The following RDX variants were observed in gnomAD, a reference collection of about 807,000 sequenced individuals.
The protein encoded by RDX is deafness, autosomal recessive 24.
RDX carries 32 observed loss-of-function variants against 83.7 expected under a neutral mutation model. That is an observed-to-expected ratio of 0.38 (90% confidence interval 0.29 to 0.51). RDX has a LOEUF of 0.51. RDX is among the 20% of genes least tolerant of loss of function. The pLI is 0.87. For synonymous variants in RDX, 229 were observed against 222.7 expected, an observed-to-expected ratio of 1.03 and a Z score of -0.25; for missense variants, 600 against 689.9, an observed-to-expected ratio of 0.87 and a Z score of 1.46.
intron 14 of RDX, among the ~76,000 whole-genome samples, chr11:110,215,958 G>C: frequency 6.6e-6 from 1 of 152,180 alleles, no homozygotes; most frequent in East Asian, 1.9e-4. Context: ...GGTACAGTTT[G>C]TTGAGAAGAA....
chr11:110,219,616 T>G (rs979592358), intron 14 of RDX, among the ~76,000 whole-genome samples: 3 of 152,116 alleles, frequency 2.0e-5, no homozygotes, highest in Non-Finnish European at 4.4e-5. Context: ...CCAACAGAAT[T>G]ATGATTGGAC....
Position 110,268,818 on chromosome 11 carries a change from C to T in RDX, c.96+3718G>A, listed in dbSNP as rs574222843. On this transcript the variant is annotated intron_variant, in intron 3 of 13. Transcript: ENST00000645495. ...TTTAGTGAGGCTGTCCTTTAAGCTC[C>T]CATAAACTTCTGATCACATACTTTT... is the stretch of plus-strand genomic sequence containing the variant. Among the ~76,000 whole-genome samples the T allele has an allele frequency of 1.4e-4, 21 of 151,696 alleles. 2 individuals are homozygous for T. The South Asian group carries it at 4.0e-3, about 29-fold the overall frequency.
chr11:110,285,886 C>A (rs1488247046), intron 1 of RDX, among the ~76,000 whole-genome samples: 1 of 151,700 alleles, frequency 6.6e-6, no homozygotes, highest in East Asian at 1.9e-4. Context: ...TGAAACAAAA[C>A]CTGGTCTTTC....
rs1224314040 is a variant in RDX, at chr11:110,231,582, T to C, written c.*287A>G. The C allele has an allele frequency of 1.6e-5, 7 of 427,178 alleles. No homozygotes were observed. Among genetic ancestry groups the C allele is most frequent in the Non-Finnish European group, 2.6e-5 (6 of 231,020 alleles). The allele number at this position is 427,178 out of a possible 1,614,324, so 26.5% of individuals were successfully genotyped here. On this transcript the variant is annotated 3_prime_UTR_variant, in exon 14 of 14. Coordinates refer to ENST00000645495, the MANE Select transcript of RDX (RefSeq NM_002906.4). ...ATACACATTTGTCAGACGTGATAAT[T>C]AGTGTTAATCTTCAACAGAAAAAAA...
chr11:110,197,275 T>C (rs1863238423), intron 15 of RDX, among the ~76,000 whole-genome samples: 1 of 152,134 alleles, frequency 6.6e-6, no homozygotes, highest in Non-Finnish European at 1.5e-5. Flanking sequence ...ACGAGGAAGA[T>C]AGGATGACAG....
chr11:110,292,363 T>C lies in RDX; in HGVS notation c.-65+4104A>G, dbSNP rs571680636. 2.3e-3 allele frequency among the ~76,000 whole-genome samples: 345 copies of C among 151,476 alleles called. 1 individual carries two copies. The highest frequency in any genetic ancestry group is 7.2e-3 in the African/African-American group (297 of 41,276). ...TGTTGGCAGCTACTAGGGAGACTGA[T>C]GTGGGAGGAACTTAAAGGATCACTT... On this transcript the variant is annotated intron_variant, in intron 1 of 13. Transcript: ENST00000645495.
intron 15 of RDX, among the ~76,000 whole-genome samples, chr11:110,184,541 C>T (rs56790557): frequency 6.6e-6 from 1 of 152,066 alleles, no homozygotes; most frequent in Non-Finnish European, 1.5e-5. Context: ...TGATGGAAAT[C>T]GGCAGAGGGA....
intron 14 of RDX, among the ~76,000 whole-genome samples, chr11:110,224,229 A>C (rs12224156): frequency 0.39 from 59,477 of 151,212 alleles, 11,885 homozygotes; most frequent in East Asian, 0.61. Context: ...ATTAAAAAAA[A>C]AAAACAAAAA....
intron 15 of RDX, among the ~76,000 whole-genome samples, chr11:110,179,247 C>T (rs1862834474): frequency 6.6e-6 from 1 of 152,142 alleles, no homozygotes. Context: ...AGCTTTTTGC[C>T]CTGTAACCAT....
chr11:110,178,101 T>C (rs1862812894), intron 15 of RDX, among the ~76,000 whole-genome samples: 1 of 152,186 alleles, frequency 6.6e-6, no homozygotes, highest in Non-Finnish European at 1.5e-5. Context: ...GCAAGCACTC[T>C]GTTTCCTCCA....
chr11:110,199,615 CAT>C lies in RDX; in HGVS notation c.1810_1811del (p.Met604ValfsTer28). On this transcript the variant is annotated frameshift_variant, in exon 15 of 16. Transcript: ENST00000528498. LOFTEE classifies it high-confidence loss of function. ...GAGGGAGCCTTCTTCCTAAGGGTTA[CAT>C]TTGCTTTATGCTGCTTTGGCAAGAG... 1.4e-6 allele frequency: 1 copy of C among 703,038 alleles called. No individual in the cohort carries two copies. Among genetic ancestry groups the C allele is most frequent in the Non-Finnish European group, 2.6e-6 (1 of 385,008 alleles). 43.5% of individuals were successfully genotyped at this position (703,038 alleles called of 1,614,324 possible).
chr11:110,264,708 G>T, intron 4 of RDX, 71 bp downstream of exon 4: 1 of 1,128,066 alleles, frequency 8.9e-7, no homozygotes, highest in Non-Finnish European at 1.3e-6. Flanking sequence ...GTCAGACTTA[G>T]CTTTTCCAGC....
intron 14 of RDX, among the ~76,000 whole-genome samples, chr11:110,210,454 G>A (rs1488880540): frequency 6.9e-6 from 1 of 145,036 alleles, no homozygotes; most frequent in Non-Finnish European, 1.5e-5. Context: ...ATCTAGCAAG[G>A]CAGGCCAACA....
intron 15 of RDX, among the ~76,000 whole-genome samples, chr11:110,187,671 C>A (rs1038812153): frequency 6.6e-6 from 1 of 152,244 alleles, no homozygotes; most frequent in African/African-American, 2.4e-5. Flanking sequence ...TTCCTCTGCA[C>A]TGGTGCTTAT....
intron 15 of RDX, chr11:110,195,883 T>C (rs1863197198): frequency 6.6e-6 from 1 of 152,226 alleles, no homozygotes; most frequent in African/African-American, 2.4e-5. Flanking sequence ...GATGCTGGCT[T>C]GGGACTGCAG....
chr11:110,274,816 C>T (rs919546358), intron 2 of RDX, among the ~76,000 whole-genome samples: 2 of 152,154 alleles, frequency 1.3e-5, no homozygotes, highest in Admixed American at 6.5e-5. Context: ...ATTTACTCAC[C>T]CATTTTCCTG....
Position 110,264,714 on chromosome 11 carries a change from C to A in RDX, c.192+65G>T, listed in dbSNP as rs1241829008. The A allele has an allele frequency of 3.3e-6, 4 of 1,209,182 alleles. No individual in the cohort carries two copies. In the African/African-American group the frequency reaches 4.6e-5, roughly 14 times the overall value. The allele number at this position is 1,209,182 out of a possible 1,614,324, so 74.9% of individuals were successfully genotyped here. On this transcript the variant is annotated intron_variant, in intron 4 of 13. Coordinates refer to ENST00000645495, the MANE Select transcript of RDX (RefSeq NM_002906.4). Reference sequence around the variant, plus strand: ...TTGCAATCAGTCAGACTTAGCTTTTCCAGCACAAATTCATAACTTCAACTT... The same window carrying A: ...TTGCAATCAGTCAGACTTAGCTTTTACAGCACAAATTCATAACTTCAACTT...
At chr11:110,284,342 T>C (rs1860890980) in intron 1 of RDX, among the ~76,000 whole-genome samples, 1 of 152,238 alleles carries the variant, frequency 6.6e-6, no homozygotes, top group Non-Finnish European at 1.5e-5. Context: ...AGCCAATGAT[T>C]ACAATCACCA....
chr11:110,182,269 T>G (rs73553533), intron 15 of RDX, among the ~76,000 whole-genome samples: 3,394 of 152,264 alleles, frequency 0.022, 125 homozygotes, highest in African/African-American at 0.078. Flanking sequence ...GTGCAGCATC[T>G]CCAGTGCCCA....
Sources: allele counts gnomAD v4.1 joint callset (sites outside exome capture counted in the v4.1 genomes callset), GRCh38; gene constraint gnomAD v4.1.1; transcripts MANE v1.5; gene names NCBI Gene and HGNC (gene_info 2026-07-23, HGNC 2026-07-21).